Variants in VMA12 observed in about 807,000 individuals in gnomAD.
The protein encoded by VMA12 is vacuolar ATPase assembly factor VMA12.
At chr17:28,358,694 A>G in the VMA12 span, among the ~76,000 whole-genome samples, 1 of 152,258 alleles carries the variant, frequency 6.6e-6, no homozygotes, top group East Asian at 1.9e-4. Flanking sequence ...TAACACTGGC[A>G]GGATAATTGA....
chr17:28,358,980 G>T, the VMA12 span: 1 of 1,612,298 alleles, frequency 6.2e-7, no homozygotes. Context: ...AGGTTGTGAA[G>T]CCTCCACGGG....
chr17:28,359,128 C>A, the VMA12 span: 1 of 969,616 alleles, frequency 1.0e-6, no homozygotes, highest in Non-Finnish European at 1.5e-6. Flanking sequence ...AGATATTGTC[C>A]TCCCCATCAG....
At chr17:28,359,760 C>G in the VMA12 span, 7 of 175,140 alleles carry the variant, frequency 4.0e-5, no homozygotes, top group South Asian at 8.7e-4. Flanking sequence ...CAAAACTTAG[C>G]CTGGCGTGGT....
chr17:28,361,196 C>G, the VMA12 span: 4 of 1,614,102 alleles, frequency 2.5e-6, no homozygotes, highest in Admixed American at 1.7e-5. Flanking sequence ...TGTGGTGGGT[C>G]TGGCCGAGCT....
the VMA12 span, chr17:28,359,137 A>C: frequency 4.2e-6 from 4 of 950,070 alleles, no homozygotes; most frequent in African/African-American, 1.7e-5. Context: ...CCTCCCCATC[A>C]GCTGTTTGGA....
the VMA12 span, chr17:28,360,329 G>T: frequency 1.8e-6 from 1 of 543,350 alleles, no homozygotes; most frequent in Non-Finnish European, 3.3e-6. Flanking sequence ...CAGGAGAGTA[G>T]ATGGGTACTG....
At chr17:28,358,292 T>C in the VMA12 span, 31 of 419,596 alleles carry the variant, frequency 7.4e-5, no homozygotes, top group East Asian at 2.1e-3. Flanking sequence ...CTTTGTTTTG[T>C]TTGTTTGTTT....
At chr17:28,358,342 G>A in the VMA12 span, 7 of 465,756 alleles carry the variant, frequency 1.5e-5, no homozygotes, top group Admixed American at 1.7e-4. Flanking sequence ...GAAAGATCTG[G>A]CCTGAGAGTA....
chr17:28,360,632 G>T, the VMA12 span: 2 of 1,608,902 alleles, frequency 1.2e-6, no homozygotes, highest in African/African-American at 2.7e-5. Flanking sequence ...TGACACTCAG[G>T]CTTGTTGTTT....
chr17:28,360,749 G>A, the VMA12 span: 14 of 1,614,038 alleles, frequency 8.7e-6, no homozygotes, highest in Non-Finnish European at 1.2e-5. Context: ...ATCATTGAAG[G>A]CTCTGGTCAT....
the VMA12 span, chr17:28,359,215 T>A: frequency 2.1e-4 from 268 of 1,294,144 alleles, 2 homozygotes; most frequent in East Asian, 6.2e-3. Context: ...GTGGGTCTCC[T>A]GATACCTTTA....
At chr17:28,360,802 C>T in the VMA12 span, 2 of 1,613,858 alleles carry the variant, frequency 1.2e-6, no homozygotes, top group African/African-American at 1.3e-5. Context: ...CTGCCTTCGT[C>T]TGCACTTACC....
chr17:28,361,096 G>T, the VMA12 span: 2 of 1,520,744 alleles, frequency 1.3e-6, no homozygotes, highest in Non-Finnish European at 1.8e-6. Context: ...CATTAAAGTT[G>T]CTGGGGTACA....
chr17:28,361,255 G>A, the VMA12 span: 2 of 1,613,994 alleles, frequency 1.2e-6, no homozygotes, highest in South Asian at 2.2e-5. Flanking sequence ...AACTGTAACT[G>A]GTGCTTCATC....
chr17:28,359,734 G>A, the VMA12 span: 653 of 175,754 alleles, frequency 3.7e-3, 5 homozygotes, highest in African/African-American at 0.014. Flanking sequence ...GTGAAACCCC[G>A]TCTTTACAAA....
At chr17:28,361,073 G>A in the VMA12 span, 2 of 1,345,916 alleles carry the variant, frequency 1.5e-6, no homozygotes, top group East Asian at 2.3e-5. Context: ...GTGGTTGGGG[G>A]GCTCTCCATC....
the VMA12 span, chr17:28,360,974 C>A: frequency 1.1e-6 from 1 of 931,864 alleles, no homozygotes; most frequent in Non-Finnish European, 1.7e-6. Context: ...ATAAGGGGAG[C>A]ATTAGAGCTT....
chr17:28,358,809 G>C, the VMA12 span: 3 of 825,952 alleles, frequency 3.6e-6, no homozygotes, highest in Non-Finnish European at 5.8e-6. Flanking sequence ...TTAATGTAGA[G>C]ATGGCCCTGT....
the VMA12 span, chr17:28,359,733 C>T: frequency 4.0e-5 from 7 of 173,938 alleles, no homozygotes; most frequent in African/African-American, 7.1e-5. Flanking sequence ...GGTGAAACCC[C>T]GTCTTTACAA....
Sources: allele counts gnomAD v4.1 joint callset (sites outside exome capture counted in the v4.1 genomes callset), GRCh38; gene constraint gnomAD v4.1.1; transcripts MANE v1.5; gene names NCBI Gene and HGNC (gene_info 2026-07-23, HGNC 2026-07-21).